Variants in RSPRY1 observed in about 807,000 individuals in gnomAD.
RSPRY1 encodes ring finger and SPRY domain containing 1, also known as RING finger and SPRY domain-containing protein 1.
A neutral mutation model predicts 73.1 loss-of-function variants in RSPRY1; 23 were observed. That is an observed-to-expected ratio of 0.31 (90% CI 0.23 to 0.45). RSPRY1 has a LOEUF of 0.45. Among genes scored for constraint, RSPRY1 ranks in the 20% least tolerant of loss-of-function variants. The pLI is 1.00. For missense variants in RSPRY1, 448 were observed against 698.7 expected (o/e 0.64, Z 4.05); for synonymous variants, 226 against 251.4 (o/e 0.90, Z 0.95).
intron 5 of RSPRY1, among the ~76,000 whole-genome samples, chr16:57,213,501 C>G (rs1429987468): frequency 6.6e-6 from 1 of 152,204 alleles, no homozygotes; most frequent in Non-Finnish European, 1.5e-5. Flanking sequence ...AAAGGAACTT[C>G]TGGTTGGAGC....
At chr16:57,223,430 A>G (rs1216160558) in intron 10 of RSPRY1, among the ~76,000 whole-genome samples, 4 of 152,158 alleles carry the variant, frequency 2.6e-5, no homozygotes, top group African/African-American at 9.7e-5. Flanking sequence ...GTATATTTTT[A>G]TGGAGGCTTA....
rs753512296 is a variant in RSPRY1 at position 57,227,481 on chromosome 16, T to C, written c.1273+28T>C. On this transcript the variant is annotated intron_variant, in intron 11 of 14. Transcript: ENST00000394420. The stretch of plus-strand genomic sequence containing the variant: ...ATTCATTCCCTCCATTATAAATTTA[T>C]CAAGTGGGTTAAGACATCTGGTTAT... The C allele has an allele frequency of 2.0e-6, 3 of 1,504,334 alleles. No individual in the cohort carries two copies. The Admixed American group carries it at 5.0e-5, about 25-fold the overall frequency. 93.2% of individuals were successfully genotyped at this position (1,504,334 alleles called of 1,614,324 possible).
chr16:57,213,886 AG>A lies in RSPRY1; in HGVS notation c.644del. ...TATCAAGTGTTTGTTGTATTTGTCTAGGTCCTGCAAGTATAGGTTTACTTAG... is the reference window on the plus strand; with the variant it reads ...TATCAAGTGTTTGTTGTATTTGTCTAGTCCTGCAAGTATAGGTTTACTTAG... On this transcript the variant is annotated splice_acceptor_variant, in intron 5 of 14. Transcript: ENST00000394420. LOFTEE classifies it high-confidence loss of function. 6.3e-7 allele frequency: 1 copy of A among 1,593,384 alleles called. No individual in the cohort carries two copies. The highest frequency in any genetic ancestry group is 8.6e-7 in the Non-Finnish European group (1 of 1,161,048).
intron 1 of RSPRY1, among the ~76,000 whole-genome samples, chr16:57,190,718 T>TC (rs35690831): frequency 1.3e-5 from 2 of 152,222 alleles, no homozygotes; most frequent in African/African-American, 4.8e-5. Context: ...AGTGAATATT[T>TC]CCCTTTGGTT....
chr16:57,196,034 A>AAAAAATAT (rs1555499007), intron 1 of RSPRY1, among the ~76,000 whole-genome samples: 7 of 122,820 alleles, frequency 5.7e-5, no homozygotes, highest in African/African-American at 2.1e-4. Flanking sequence ...AAAAAAAAAA[A>AAAAAATAT]ATATATATAT....
chr16:57,204,375 A>G (rs954464959), intron 1 of RSPRY1, 129 bp from the exon 2 acceptor site: 1 of 330,700 alleles, frequency 3.0e-6, no homozygotes, highest in Non-Finnish European at 5.6e-6. Flanking sequence ...TGTATTGGAA[A>G]CCTATAAAAA....
rs1342569062 is a variant in RSPRY1, at chr16:57,186,466, C to T, written c.-156+15C>T. On this transcript the variant is annotated intron_variant, in intron 1 of 14. Transcript: ENST00000394420. Reference sequence around the variant, plus strand: ...AGGTAGAGAAAGTCAGTGCCACAGCCCGACCGCGCTGCTCTGAGCCCTGGG... The same window carrying T: ...AGGTAGAGAAAGTCAGTGCCACAGCTCGACCGCGCTGCTCTGAGCCCTGGG... 6.5e-6 allele frequency: 1 copy of T among 154,502 alleles called. No individual in the cohort carries two copies. Among genetic ancestry groups the T allele is most frequent in the South Asian group, 1.8e-4 (1 of 5,512 alleles). The allele number at this position is 154,502 out of a possible 1,614,324, so 9.6% of individuals were successfully genotyped here. A position where few individuals can be genotyped will look rare whatever the true frequency, so the allele number is the denominator to read the frequency against.
intron 11 of RSPRY1, among the ~76,000 whole-genome samples, chr16:57,227,966 A>G (rs2075144602): frequency 6.6e-6 from 1 of 152,130 alleles, no homozygotes; most frequent in South Asian, 2.1e-4. Context: ...TCCCTCTCTC[A>G]TTTTGCTACC....
intron 1 of RSPRY1, among the ~76,000 whole-genome samples, chr16:57,189,558 T>C (rs1314210247): frequency 1.3e-5 from 2 of 151,622 alleles, no homozygotes; most frequent in Non-Finnish European, 2.9e-5. Flanking sequence ...TATTCTGTAT[T>C]TCTTTTTTTC....
intron 13 of RSPRY1, among the ~76,000 whole-genome samples, chr16:57,234,615 G>A (rs1597935209): frequency 6.6e-6 from 1 of 152,174 alleles, no homozygotes; most frequent in East Asian, 1.9e-4. Flanking sequence ...GAACAGTTTT[G>A]CCTGTCTGCT....
intron 2 of RSPRY1, among the ~76,000 whole-genome samples, chr16:57,206,933 C>T (rs1337289947): frequency 6.6e-6 from 1 of 152,160 alleles, no homozygotes; most frequent in South Asian, 2.1e-4. Flanking sequence ...TTCTCAACAT[C>T]GAAATCTGTG....
chr16:57,194,346 G>T (rs2074402120), intron 1 of RSPRY1, among the ~76,000 whole-genome samples: 1 of 151,984 alleles, frequency 6.6e-6, no homozygotes. Flanking sequence ...CTAGGTGGTG[G>T]GTATATAGTT....
At chr16:57,233,789 T>A (rs2075262289) in intron 13 of RSPRY1, among the ~76,000 whole-genome samples, 1 of 152,308 alleles carries the variant, frequency 6.6e-6, no homozygotes, top group African/African-American at 2.4e-5. Context: ...CAGTAGGCTG[T>A]GCCTTCAGAA....
At chr16:57,187,762 G>A (rs1244884368) in intron 1 of RSPRY1, among the ~76,000 whole-genome samples, 1 of 152,056 alleles carries the variant, frequency 6.6e-6, no homozygotes, top group Non-Finnish European at 1.5e-5. Flanking sequence ...AAGGTTCACA[G>A]CTTCTTAGGT....
chr16:57,237,551 A>T (rs954901760), intron 14 of RSPRY1, among the ~76,000 whole-genome samples: 1 of 152,188 alleles, frequency 6.6e-6, no homozygotes, highest in Non-Finnish European at 1.5e-5. Context: ...TTCAATATCC[A>T]TTCCTAATGG....
At chr16:57,219,250 T>C (rs1210109839) in intron 8 of RSPRY1, among the ~76,000 whole-genome samples, 1 of 152,240 alleles carries the variant, frequency 6.6e-6, no homozygotes, top group Non-Finnish European at 1.5e-5. Context: ...TTCTCCATAG[T>C]GGCCATACTA....
At chr16:57,233,750 T>C (rs2075261707) in intron 13 of RSPRY1, among the ~76,000 whole-genome samples, 1 of 152,218 alleles carries the variant, frequency 6.6e-6, no homozygotes, top group Non-Finnish European at 1.5e-5. Context: ...TACTTTCTGC[T>C]ATTTCCACAT....
chr16:57,213,123 G>T, intron 5 of RSPRY1, 25 bp downstream of exon 5: 1 of 1,597,722 alleles, frequency 6.3e-7, no homozygotes, highest in Non-Finnish European at 8.5e-7. Flanking sequence ...CTCCACAGTG[G>T]AAGATCTTAA....
At chr16:57,227,319 T>A in intron 10 of RSPRY1, 23 bp from the exon 11 acceptor site, 1 of 1,551,004 alleles carries the variant, frequency 6.4e-7, no homozygotes, top group Non-Finnish European at 8.9e-7. Context: ...CTTGCTAATC[T>A]TCTGGGCCTT....
Sources: gnomAD v4.1 joint callset for allele counts (sites outside exome capture counted in the v4.1 genomes callset) on GRCh38, gnomAD v4.1.1 for gene constraint, MANE v1.5 for transcripts, NCBI Gene and HGNC (gene_info 2026-07-23, HGNC 2026-07-21) for gene names.